The following FBN2 variants were observed in gnomAD, a reference collection of about 807,000 sequenced individuals.
FBN2 encodes the protein fibrillin-2.
A neutral mutation model predicts 355.6 loss-of-function variants in FBN2; 105 were observed. The observed-to-expected ratio is 0.30, with a 90% CI of 0.25 to 0.35. FBN2 has a LOEUF of 0.35. FBN2 is among the 10% of genes least tolerant of loss of function. The pLI is 1.00. For missense variants in FBN2, 3,280 were observed against 3,758.7 expected (o/e 0.87, Z 3.33); for synonymous variants, 1,350 against 1,301.2 (o/e 1.04, Z -0.81).
At chr5:128,472,594 C>A (rs982988367) in intron 5 of FBN2, among the ~76,000 whole-genome samples, 1 of 151,986 alleles carries the variant, frequency 6.6e-6, no homozygotes, top group Non-Finnish European at 1.5e-5. Flanking sequence ...GAGTTTGAGA[C>A]CAGCCTGACC....
At chr5:128,334,212 G>A (rs1415025263) in intron 31 of FBN2, among the ~76,000 whole-genome samples, 1 of 152,134 alleles carries the variant, frequency 6.6e-6, no homozygotes, top group Non-Finnish European at 1.5e-5. Context: ...TTTGGGCACA[G>A]AGAAGAGAAG....
chr5:128,316,286 T>G (rs1173130585), intron 36 of FBN2, among the ~76,000 whole-genome samples: 2 of 152,208 alleles, frequency 1.3e-5, no homozygotes, highest in African/African-American at 4.8e-5. Flanking sequence ...GTTGTATCCA[T>G]TGGACATAAT....
chr5:128,449,402 ATAAT>A (rs1754165516), intron 6 of FBN2, among the ~76,000 whole-genome samples: 1 of 99,458 alleles, frequency 1.0e-5, no homozygotes, highest in Admixed American at 9.5e-5. Flanking sequence ...AGTATACTGT[ATAAT>A]TATATAGTAT....
chr5:128,447,169 C>T (rs1010500467), intron 6 of FBN2, among the ~76,000 whole-genome samples: 3 of 151,952 alleles, frequency 2.0e-5, no homozygotes, highest in Non-Finnish European at 2.9e-5. Context: ...ATTGTTTAAA[C>T]GATATGAAAT....
At chr5:128,477,965 C>G (rs1755049838) in intron 5 of FBN2, among the ~76,000 whole-genome samples, 1 of 152,210 alleles carries the variant, frequency 6.6e-6, no homozygotes, top group South Asian at 2.1e-4. Flanking sequence ...TCACTGGCCA[C>G]TTTGATATAA....
At chr5:128,447,704 C>G (rs1754106516) in intron 6 of FBN2, among the ~76,000 whole-genome samples, 1 of 152,224 alleles carries the variant, frequency 6.6e-6, no homozygotes, top group Non-Finnish European at 1.5e-5. Flanking sequence ...TATTCGTACA[C>G]TCTCTCCCCT....
intron 53 of FBN2, among the ~76,000 whole-genome samples, chr5:128,287,984 C>T (rs752655106): frequency 1.3e-5 from 2 of 152,186 alleles, no homozygotes; most frequent in Non-Finnish European, 1.5e-5. Flanking sequence ...AAAGAACTGA[C>T]AGATGAGCCA....
chr5:128,482,788 C>G (rs540581198), intron 5 of FBN2, among the ~76,000 whole-genome samples: 23 of 152,010 alleles, frequency 1.5e-4, no homozygotes, highest in Non-Finnish European at 2.9e-4. Context: ...ACTACTTATT[C>G]TAGTAAAGAT....
intron 42 of FBN2, among the ~76,000 whole-genome samples, chr5:128,306,887 T>G (rs559917787): frequency 6.6e-6 from 1 of 152,308 alleles, no homozygotes; most frequent in African/African-American, 2.4e-5. Context: ...TTTAGCTTGG[T>G]GGATGTGACA....
chr5:128,378,778 T>G lies in FBN2; in HGVS notation c.1716A>C (p.Ala572=). The part of the protein sequence containing the change: ...AGFQRTPTKQ[A]CIDIDECIQN... ...GAAAGCAAACTGCCTTACCAATGCA[T>G]GCTTGCTTGGTAGGAGTCCTCTGGA... The change falls in exon 12 of 65, where the codon GCA becomes GCC. Residue 572 remains alanine, a synonymous_variant. Transcript: ENST00000262464. The G allele has an allele frequency of 6.2e-7, 1 of 1,612,968 alleles. No individual in the cohort carries two copies. The highest frequency in any genetic ancestry group is 1.1e-5 in the South Asian group (1 of 91,076).
intron 48 of FBN2, among the ~76,000 whole-genome samples, chr5:128,292,302 C>T (rs985179533): frequency 6.6e-6 from 1 of 152,130 alleles, no homozygotes; most frequent in Non-Finnish European, 1.5e-5. Context: ...TTCCCCAGAA[C>T]GCTTCCTTAA....
chr5:128,318,035 T>TA (rs752048842), intron 36 of FBN2, 114 bp downstream of exon 36: 21 of 1,108,320 alleles, frequency 1.9e-5, no homozygotes, highest in Non-Finnish European at 2.5e-5. Context: ...GGCGACCACA[T>TA]AATGTTTTGT....
intron 5 of FBN2, among the ~76,000 whole-genome samples, chr5:128,481,857 C>T (rs186449965): frequency 1.8e-4 from 28 of 152,184 alleles, no homozygotes; most frequent in Non-Finnish European, 3.7e-4. Context: ...TTGTACCTAT[C>T]GTGTTTCTGC....
At chr5:128,413,593 C>T (rs899782212) in intron 7 of FBN2, among the ~76,000 whole-genome samples, 38 of 152,216 alleles carry the variant, frequency 2.5e-4, no homozygotes, top group African/African-American at 8.9e-4. Context: ...CCAACATTTC[C>T]TGTAAATCTT....
intron 23 of FBN2, 124 bp downstream of exon 23, chr5:128,349,223 A>T: frequency 1.8e-6 from 2 of 1,105,284 alleles, no homozygotes. Flanking sequence ...ATTTCCCCCT[A>T]AATATCTCAT....
intron 5 of FBN2, among the ~76,000 whole-genome samples, chr5:128,473,091 C>T (rs987541020): frequency 6.6e-6 from 1 of 152,106 alleles, no homozygotes; most frequent in African/African-American, 2.4e-5. Flanking sequence ...CTTCAACATA[C>T]TTACTGACTA....
intron 36 of FBN2, among the ~76,000 whole-genome samples, chr5:128,316,972 G>T (rs181220199): frequency 6.6e-6 from 1 of 152,128 alleles, no homozygotes; most frequent in Admixed American, 6.5e-5. Flanking sequence ...CGAACTGGGC[G>T]ACTGCTCCTC....
At chr5:128,312,838 A>T in intron 36 of FBN2, 43 bp from the exon 37 acceptor site, 1 of 1,605,018 alleles carries the variant, frequency 6.2e-7, no homozygotes, top group Non-Finnish European at 8.5e-7. Context: ...TTGCTTACAT[A>T]GTAAGGACTC....
intron 5 of FBN2, among the ~76,000 whole-genome samples, chr5:128,515,479 T>C (rs1472449152): frequency 6.6e-6 from 1 of 152,092 alleles, no homozygotes; most frequent in Non-Finnish European, 1.5e-5. Context: ...GACTGTTTCA[T>C]GATGGGGTGA....
Sources: gnomAD v4.1 joint callset for allele counts (sites outside exome capture counted in the v4.1 genomes callset) on GRCh38, gnomAD v4.1.1 for gene constraint, MANE v1.5 for transcripts, NCBI Gene and HGNC (gene_info 2026-07-23, HGNC 2026-07-21) for gene names.